SLC9A9: variants seen among roughly 807,000 people sequenced by gnomAD.
SLC9A9 encodes the protein sodium/hydrogen exchanger 9.
In SLC9A9, 62 loss-of-function variants were observed where a neutral mutation model predicts 77.8. The ratio of observed to expected loss-of-function variants is 0.80; its 90% CI spans 0.65 to 0.98. The LOEUF (loss-of-function observed/expected upper bound fraction) is 0.98, where lower values mean the gene tolerates loss of function less well. Among genes scored for constraint, SLC9A9 ranks in the 50% least tolerant of loss-of-function variants. SLC9A9 has a pLI of 0.00. For missense variants in SLC9A9, 775 were observed against 774.9 expected, an observed-to-expected ratio of 1.00 and a Z score of 0.00; for synonymous variants, 320 against 283.5, an observed-to-expected ratio of 1.13 and a Z score of -1.29.
intron 2 of SLC9A9, among the ~76,000 whole-genome samples, chr3:143,815,403 T>C (rs1223042056): frequency 3.3e-5 from 5 of 152,232 alleles, no homozygotes; most frequent in East Asian, 3.9e-4. Context: ...AGGCCACTAG[T>C]TGGGGAGAAG....
intron 5 of SLC9A9, among the ~76,000 whole-genome samples, chr3:143,664,125 G>A (rs1360187199): frequency 3.3e-5 from 5 of 152,120 alleles, no homozygotes; most frequent in African/African-American, 7.2e-5. Context: ...GACTAACAGC[G>A]GATCTCTCTG....
chr3:143,775,072 G>A (rs1178437237), intron 4 of SLC9A9, among the ~76,000 whole-genome samples: 1 of 152,176 alleles, frequency 6.6e-6, no homozygotes, highest in Non-Finnish European at 1.5e-5. Context: ...AACCGTACCT[G>A]CTGAGATCAG....
At chr3:143,525,683 A>C (rs1269373703) in intron 9 of SLC9A9, among the ~76,000 whole-genome samples, 1 of 152,216 alleles carries the variant, frequency 6.6e-6, no homozygotes, top group African/African-American at 2.4e-5. Context: ...ATGCCCCTTC[A>C]CTTAGATAAT....
At chr3:143,451,818 G>A (rs376155100) in intron 12 of SLC9A9, among the ~76,000 whole-genome samples, 23 of 152,116 alleles carry the variant, frequency 1.5e-4, no homozygotes, top group East Asian at 9.6e-4. Flanking sequence ...TCAGAGTAAC[G>A]CAAAGGCAAA....
intron 2 of SLC9A9, among the ~76,000 whole-genome samples, chr3:143,802,533 A>G (rs1459034427): frequency 1.3e-5 from 2 of 152,132 alleles, no homozygotes; most frequent in Admixed American, 1.3e-4. Flanking sequence ...GGCCTTTCCC[A>G]CAGGGTCTGA....
rs1576554140 is a variant in SLC9A9, at chr3:143,526,187, C to T, written c.1089+26175G>A. Among the ~76,000 whole-genome samples, 5 of 152,330 alleles carry T rather than the reference C, an allele frequency of 3.3e-5. No homozygotes were observed. In the South Asian group the frequency reaches 1.0e-3, roughly 32 times the overall value. On this transcript the variant is annotated intron_variant, in intron 9 of 15. Transcript: ENST00000316549. Reference sequence around the variant, plus strand: ...AAGCTAAACCCTCAAACCACAGTCACATCTTCTTGTTTGGGGAAGATAGTG... The same window carrying T: ...AAGCTAAACCCTCAAACCACAGTCATATCTTCTTGTTTGGGGAAGATAGTG...
chr3:143,740,733 A>G (rs1935055331), intron 4 of SLC9A9, among the ~76,000 whole-genome samples: 1 of 152,190 alleles, frequency 6.6e-6, no homozygotes, highest in Non-Finnish European at 1.5e-5. Context: ...ATTAAAGGGG[A>G]TAGGAGAAAA....
intron 12 of SLC9A9, among the ~76,000 whole-genome samples, chr3:143,451,575 A>G (rs2035007373): frequency 1.3e-5 from 2 of 152,262 alleles, no homozygotes; most frequent in South Asian, 4.1e-4. Context: ...GAATTAAATA[A>G]TGTAATCAAA....
chr3:143,774,238 G>A (rs988526642), intron 4 of SLC9A9, among the ~76,000 whole-genome samples: 3 of 152,142 alleles, frequency 2.0e-5, no homozygotes, highest in Non-Finnish European at 4.4e-5. Context: ...GTCACCTTTC[G>A]GGACTTGACT....
intron 6 of SLC9A9, among the ~76,000 whole-genome samples, chr3:143,629,572 C>A (rs941468526): frequency 6.8e-6 from 1 of 146,558 alleles, no homozygotes; most frequent in African/African-American, 2.5e-5. Context: ...CGTGTGTGTG[C>A]GTGTGTGTGT....
In SLC9A9 at chr3:143,314,565, T is replaced by C. The variant is rs138986653; in HGVS notation, c.1605-45585A>G. The C allele has an allele frequency of 1.3e-4, 20 of 152,346 alleles. No individual in the cohort carries two copies. The East Asian group carries it at 3.9e-3, about 29-fold the overall frequency. 9.4% of individuals were successfully genotyped at this position (152,346 alleles called of 1,614,324 possible). A position where few individuals can be genotyped will look rare whatever the true frequency, so the allele number is the denominator to read the frequency against. On this transcript the variant is annotated intron_variant, in intron 14 of 15. Coordinates refer to ENST00000316549, the MANE Select transcript of SLC9A9 (RefSeq NM_173653.4). ...ACTCAGAATTTAAAACAAAGCTCCA[T>C]GGAAACGAATCATTCTAAATCATTC...
intron 4 of SLC9A9, among the ~76,000 whole-genome samples, chr3:143,758,383 A>G (rs148790490): frequency 2.2e-3 from 330 of 152,286 alleles, no homozygotes; most frequent in Middle Eastern, 0.01. Flanking sequence ...TCTGGCATCA[A>G]TTCTCAAAAT....
At chr3:143,541,034 G>C (rs773742267) in intron 9 of SLC9A9, among the ~76,000 whole-genome samples, 3 of 152,070 alleles carry the variant, frequency 2.0e-5, no homozygotes, top group African/African-American at 4.8e-5. Context: ...TGGGTCTCCT[G>C]GTACTTTAAA....
At chr3:143,306,098 T>A (rs1485278787) in intron 14 of SLC9A9, among the ~76,000 whole-genome samples, 1 of 152,040 alleles carries the variant, frequency 6.6e-6, no homozygotes, top group East Asian at 1.9e-4. Flanking sequence ...CTGACAAATA[T>A]GAACATTATT....
chr3:143,641,521 G>A (rs1420015445), intron 6 of SLC9A9, among the ~76,000 whole-genome samples: 2 of 149,404 alleles, frequency 1.3e-5, no homozygotes, highest in East Asian at 4.1e-4. Flanking sequence ...AGCCTCCCAA[G>A]TAGCTGGGAC....
intron 8 of SLC9A9, among the ~76,000 whole-genome samples, chr3:143,553,694 T>A (rs2036931474): frequency 6.6e-6 from 1 of 152,220 alleles, no homozygotes; most frequent in Admixed American, 6.5e-5. Flanking sequence ...AAAATCTACA[T>A]GACTTATTGT....
intron 4 of SLC9A9, among the ~76,000 whole-genome samples, chr3:143,717,754 G>GT (rs1934392289): frequency 2.0e-5 from 3 of 152,124 alleles, no homozygotes; most frequent in Admixed American, 2.0e-4. Context: ...GTTGGAAGGT[G>GT]TTTTTTCTTC....
intron 5 of SLC9A9, among the ~76,000 whole-genome samples, chr3:143,656,664 A>G (rs2038894553): frequency 6.6e-6 from 1 of 152,204 alleles, no homozygotes; most frequent in Non-Finnish European, 1.5e-5. Flanking sequence ...GAAGGACAAC[A>G]ACATACAATA....
intron 6 of SLC9A9, among the ~76,000 whole-genome samples, chr3:143,616,571 G>T (rs1243380427): frequency 2.0e-5 from 3 of 152,126 alleles, no homozygotes; most frequent in Non-Finnish European, 4.4e-5. Flanking sequence ...ATTTCCCAGA[G>T]AATTTTGGGA....
Sources: allele counts gnomAD v4.1 joint callset (sites outside exome capture counted in the v4.1 genomes callset), GRCh38; gene constraint gnomAD v4.1.1; transcripts MANE v1.5; gene names NCBI Gene and HGNC (gene_info 2026-07-23, HGNC 2026-07-21).